The following AAMDC variants were observed in gnomAD, a reference collection of about 807,000 sequenced individuals.
AAMDC encodes the protein adipogenesis associated Mth938 domain containing, also known as mth938 domain-containing protein.
In AAMDC, 16 loss-of-function variants were observed where a neutral mutation model predicts 15.5. The ratio of observed to expected loss-of-function variants is 1.03; its 90% CI spans 0.70 to 1.57. AAMDC has a LOEUF of 1.57. Among genes scored for constraint, AAMDC ranks in the 40% most tolerant of loss-of-function variants. The pLI is 0.00. For missense variants in AAMDC, 141 were observed against 144.9 expected (o/e 0.97, Z 0.14); for synonymous variants, 51 against 51.6 (o/e 0.99, Z 0.05).
chr11:77,832,221 A>T (rs1949461961), intron 1 of AAMDC, among the ~76,000 whole-genome samples: 1 of 152,200 alleles, frequency 6.6e-6, no homozygotes, highest in African/African-American at 2.4e-5. Flanking sequence ...AAGTGGCAAT[A>T]CACAAAAACC....
At chr11:77,829,438 A>T (rs926789046) in intron 1 of AAMDC, among the ~76,000 whole-genome samples, 8 of 152,194 alleles carry the variant, frequency 5.3e-5, no homozygotes, top group African/African-American at 1.9e-4. Flanking sequence ...CAGAATGGAG[A>T]CTCACATATA....
At chr11:77,870,329 A>ATTTTTTTT (rs965312288) in intron 3 of AAMDC, among the ~76,000 whole-genome samples, 2 of 87,982 alleles carry the variant, frequency 2.3e-5, no homozygotes, top group African/African-American at 4.9e-5. Context: ...CTATTTTTTA[A>ATTTTTTTT]TTTTTTTTTT....
At chr11:77,843,923 A>C (rs1950035543) in intron 2 of AAMDC, among the ~76,000 whole-genome samples, 1 of 152,176 alleles carries the variant, frequency 6.6e-6, no homozygotes. Flanking sequence ...GAGCTTGTGC[A>C]GAGAAACTCT....
chr11:77,883,434 G>A (rs867188753), intron 5 of AAMDC, among the ~76,000 whole-genome samples: 17 of 152,242 alleles, frequency 1.1e-4, no homozygotes, highest in South Asian at 4.1e-4. Flanking sequence ...CTAATTTGTA[G>A]GTTGAGAATT....
At chr11:77,898,509 A>G (rs1312253280) in intron 5 of AAMDC, among the ~76,000 whole-genome samples, 2 of 152,208 alleles carry the variant, frequency 1.3e-5, no homozygotes, top group African/African-American at 4.8e-5. Context: ...AAAGCATACT[A>G]AAATCTTCAT....
chr11:77,847,309 T>A (rs542946415), intron 2 of AAMDC, among the ~76,000 whole-genome samples: 2 of 152,244 alleles, frequency 1.3e-5, no homozygotes, highest in African/African-American at 2.4e-5. Flanking sequence ...AGGATGTTTA[T>A]TTTTATCTGG....
intron 5 of AAMDC, chr11:77,900,524 A>T (rs1208524258): frequency 6.4e-6 from 4 of 629,888 alleles, no homozygotes; most frequent in Non-Finnish European, 1.1e-5. Flanking sequence ...TCTGTGTTTA[A>T]GCATTCATAT....
At chr11:77,884,217 A>C (rs1390028290) in intron 5 of AAMDC, among the ~76,000 whole-genome samples, 1 of 152,184 alleles carries the variant, frequency 6.6e-6, no homozygotes, top group Admixed American at 6.5e-5. Flanking sequence ...ACAGGTAAGA[A>C]TATTAATTCT....
At chr11:77,870,820 G>A (rs975523460) in intron 3 of AAMDC, among the ~76,000 whole-genome samples, 5 of 152,010 alleles carry the variant, frequency 3.3e-5, no homozygotes, top group African/African-American at 4.8e-5. Context: ...ATAGATATAC[G>A]TTTATATACT....
At chr11:77,880,353 G>A (rs1207945640) in intron 5 of AAMDC, among the ~76,000 whole-genome samples, 1 of 152,144 alleles carries the variant, frequency 6.6e-6, no homozygotes, top group African/African-American at 2.4e-5. Context: ...GGAAAGGTTT[G>A]CAGTCAGCCC....
At chr11:77,854,282 G>A (rs751601076) in intron 2 of AAMDC, among the ~76,000 whole-genome samples, 4 of 152,048 alleles carry the variant, frequency 2.6e-5, no homozygotes, top group Non-Finnish European at 5.9e-5. Context: ...GTGAGCCACC[G>A]TGCCCGGCTA....
intron 1 of AAMDC, among the ~76,000 whole-genome samples, chr11:77,823,452 G>C (rs578189747): frequency 1.3e-5 from 2 of 151,242 alleles, no homozygotes; most frequent in African/African-American, 4.9e-5. Context: ...TAATCTGGGC[G>C]AGGTGGGGTG....
chr11:77,834,082 T>G (rs1330443777), intron 1 of AAMDC, among the ~76,000 whole-genome samples: 1 of 152,234 alleles, frequency 6.6e-6, no homozygotes, highest in Non-Finnish European at 1.5e-5. Context: ...TATATGTCTG[T>G]TTTTTATGGT....
At chr11:77,830,615 C>A (rs1020687650) in intron 1 of AAMDC, among the ~76,000 whole-genome samples, 3 of 151,978 alleles carry the variant, frequency 2.0e-5, no homozygotes, top group African/African-American at 7.2e-5. Context: ...TGTCTCTTGT[C>A]TTTTATTCCC....
At chr11:77,829,854 G>A (rs1220061526) in intron 1 of AAMDC, 1 of 152,230 alleles carries the variant, frequency 6.6e-6, no homozygotes, top group African/African-American at 2.4e-5. Flanking sequence ...AATCAAGTCT[G>A]GGCACAGTTG....
intron 5 of AAMDC, among the ~76,000 whole-genome samples, chr11:77,878,522 A>G (rs1430895512): frequency 6.6e-6 from 1 of 152,198 alleles, no homozygotes; most frequent in Non-Finnish European, 1.5e-5. Flanking sequence ...AAAAAAGTAC[A>G]GCTGTTAAAG....
At chr11:77,840,910 C>T (rs1486499003) in intron 1 of AAMDC, 2 of 364,920 alleles carry the variant, frequency 5.5e-6, no homozygotes, top group Non-Finnish European at 1.0e-5. Context: ...TTTGCCTATA[C>T]TAAATGTCTT....
At chr11:77,829,191 GCT>G (rs1247830086) in intron 1 of AAMDC, among the ~76,000 whole-genome samples, 2 of 124,686 alleles carry the variant, frequency 1.6e-5, no homozygotes, top group Non-Finnish European at 3.4e-5. Flanking sequence ...TAGAGAGAGA[GCT>G]CTTTCTCTTC....
intron 5 of AAMDC, among the ~76,000 whole-genome samples, chr11:77,884,454 C>T (rs1951914079): frequency 6.6e-6 from 1 of 152,212 alleles, no homozygotes; most frequent in African/African-American, 2.4e-5. Flanking sequence ...TTCTTTAAGG[C>T]TCATAAACTG....
Sources: gnomAD v4.1 joint callset for allele counts (sites outside exome capture counted in the v4.1 genomes callset) on GRCh38, gnomAD v4.1.1 for gene constraint, MANE v1.5 for transcripts, NCBI Gene and HGNC (gene_info 2026-07-23, HGNC 2026-07-21) for gene names.